Variants in TSPAN9 observed in about 807,000 individuals in gnomAD.
TSPAN9 encodes tetraspanin-9.
Under a neutral mutation model 31.0 loss-of-function variants are expected in TSPAN9, and 16 were observed. The ratio of observed to expected loss-of-function variants is 0.52; its 90% CI spans 0.35 to 0.78. The LOEUF (loss-of-function observed/expected upper bound fraction) is 0.78. Ranked by LOEUF, TSPAN9 falls within the 30% of genes least tolerant of loss-of-function variation. The probability of loss-of-function intolerance (pLI) is 0.01; values close to 1 mark genes in which losing one functional copy is unlikely to be tolerated. For synonymous variants in TSPAN9, 145 were observed against 121.6 expected, an observed-to-expected ratio of 1.19 and a Z score of -1.27; for missense variants, 272 against 312.5, an observed-to-expected ratio of 0.87 and a Z score of 0.98.
chr12:3,185,237 C>T (rs762312255), intron 2 of TSPAN9, among the ~76,000 whole-genome samples: 1 of 152,144 alleles, frequency 6.6e-6, no homozygotes, highest in Non-Finnish European at 1.5e-5. Flanking sequence ...GGGGACTCGG[C>T]GGATAAGCTA....
chr12:3,219,105 CGGCCGGGGGA>C (rs1262766220), intron 3 of TSPAN9, among the ~76,000 whole-genome samples: 3 of 152,214 alleles, frequency 2.0e-5, no homozygotes, highest in Non-Finnish European at 4.4e-5. Flanking sequence ...CACCCGTGGG[CGGCCGGGGGA>C]GGCCGGACGG....
intron 2 of TSPAN9, among the ~76,000 whole-genome samples, chr12:3,103,519 A>G (rs1264648783): frequency 2.0e-5 from 3 of 152,194 alleles, no homozygotes; most frequent in Non-Finnish European, 2.9e-5. Context: ...AAAGGTCCCT[A>G]AACTGGGACT....
chr12:3,181,635 G>T lies in TSPAN9; in HGVS notation c.-17-19542G>T, dbSNP rs114241270. On this transcript the variant is annotated intron_variant, in intron 2 of 8. Transcript: ENST00000011898. The stretch of plus-strand genomic sequence containing the variant: ...TCATCCTAGGACAGCCCAGAAGGGA[G>T]GTGGGCTTTATGCCCCATGAAGCTC... 7.4e-3 allele frequency among the ~76,000 whole-genome samples: 1,122 copies of T among 152,210 alleles called. 21 individuals carry two copies. The highest frequency in any genetic ancestry group is 0.026 in the African/African-American group (1,080 of 41,544).
At chr12:3,125,565 A>G (rs2098326977) in intron 2 of TSPAN9, among the ~76,000 whole-genome samples, 1 of 152,094 alleles carries the variant, frequency 6.6e-6, no homozygotes, top group African/African-American at 2.4e-5. Context: ...GAGACATTTC[A>G]TATTTTTCAC....
intron 3 of TSPAN9, 116 bp from the exon 4 acceptor site, chr12:3,278,305 T>G: frequency 7.0e-7 from 1 of 1,434,052 alleles, no homozygotes; most frequent in Non-Finnish European, 9.5e-7. Context: ...GTTCTCACCT[T>G]GTCGGTTCTC....
At chr12:3,122,202 T>C (rs7316367) in intron 2 of TSPAN9, among the ~76,000 whole-genome samples, 96,309 of 151,396 alleles carry the variant, frequency 0.64, 30,821 homozygotes, top group East Asian at 0.74. Flanking sequence ...GGTGTGGTGG[T>C]GGGTGCCTGT....
chr12:3,249,618 G>A (rs919600901), intron 3 of TSPAN9, among the ~76,000 whole-genome samples: 4 of 152,324 alleles, frequency 2.6e-5, no homozygotes, highest in Middle Eastern at 3.4e-3. Context: ...AGGTCGGAAT[G>A]GACTGTGGTT....
At chr12:3,229,231 C>T (rs961308470) in intron 3 of TSPAN9, among the ~76,000 whole-genome samples, 12 of 152,328 alleles carry the variant, frequency 7.9e-5, no homozygotes, top group Non-Finnish European at 1.6e-4. Context: ...CATTTCGGGC[C>T]CAGAGAGTTG....
chr12:3,188,892 G>A (rs923253371), intron 2 of TSPAN9, among the ~76,000 whole-genome samples: 4 of 152,132 alleles, frequency 2.6e-5, no homozygotes, highest in Non-Finnish European at 4.4e-5. Context: ...GAGTATGTGT[G>A]GTGAAGGTGG....
intron 3 of TSPAN9, among the ~76,000 whole-genome samples, chr12:3,238,759 A>G (rs2098395102): frequency 6.6e-6 from 1 of 152,214 alleles, no homozygotes; most frequent in Non-Finnish European, 1.5e-5. Context: ...AAGTCAGCAG[A>G]GGCCATCTGA....
In TSPAN9 at chr12:3,200,254, C is replaced by G. The variant is rs1030999767; in HGVS notation, c.-17-923C>G. On this transcript the variant is annotated intron_variant, in intron 2 of 8. Coordinates refer to ENST00000011898, the MANE Select transcript of TSPAN9 (RefSeq NM_006675.5). Reference sequence around the variant, plus strand: ...CTCCCCAGCGGGGCCGGGAAGGCCTCGCGCCCATTGGTCGAATGCAAAGCA... The same window carrying G: ...CTCCCCAGCGGGGCCGGGAAGGCCTGGCGCCCATTGGTCGAATGCAAAGCA... The G allele has an allele frequency of 1.2e-4, 18 of 152,186 alleles. 1 individual carries two copies. The highest frequency in any genetic ancestry group is 3.6e-4 in the African/African-American group (15 of 41,442). 9.4% of individuals were successfully genotyped at this position (152,186 alleles called of 1,614,324 possible).
chr12:3,235,040 G>A (rs149571424), intron 3 of TSPAN9, among the ~76,000 whole-genome samples: 86 of 149,156 alleles, frequency 5.8e-4, no homozygotes, highest in African/African-American at 1.6e-3. Flanking sequence ...GGTGGTGGGC[G>A]CCTGTAGTCC....
chr12:3,171,071 G>C (rs1044366348), intron 2 of TSPAN9, among the ~76,000 whole-genome samples: 1 of 152,044 alleles, frequency 6.6e-6, no homozygotes, highest in Admixed American at 6.6e-5. Flanking sequence ...CCTCGTGCTT[G>C]GATTATGGGA....
At chr12:3,180,640 G>C (rs1003891030) in intron 2 of TSPAN9, among the ~76,000 whole-genome samples, 1 of 152,140 alleles carries the variant, frequency 6.6e-6, no homozygotes, top group Non-Finnish European at 1.5e-5. Flanking sequence ...TTAAATATCT[G>C]TTATAACTCA....
chr12:3,260,575 C>T (rs974360171), intron 3 of TSPAN9, among the ~76,000 whole-genome samples: 3 of 152,230 alleles, frequency 2.0e-5, no homozygotes, highest in Non-Finnish European at 4.4e-5. Context: ...CGGGATCCTA[C>T]TCTACGCGAG....
chr12:3,110,571 C>A, intron 2 of TSPAN9, among the ~76,000 whole-genome samples: 1 of 152,058 alleles, frequency 6.6e-6, no homozygotes, highest in East Asian at 1.9e-4. Flanking sequence ...GGGAAAGGAA[C>A]AAAAGTCCAT....
chr12:3,128,556 T>G (rs1413505551), intron 2 of TSPAN9, among the ~76,000 whole-genome samples: 1 of 152,136 alleles, frequency 6.6e-6, no homozygotes, highest in Non-Finnish European at 1.5e-5. Context: ...AGACCCTGTC[T>G]CAACCCCTGC....
intron 3 of TSPAN9, among the ~76,000 whole-genome samples, chr12:3,205,729 C>CG (rs202008528): frequency 0.032 from 4,817 of 151,776 alleles, 107 homozygotes; most frequent in East Asian, 0.095. Flanking sequence ...CCCCCCCCCC[C>CG]CAGAGTGCTC....
rs1048987887 is a variant in TSPAN9 at position 3,285,812 on chromosome 12, A to G, written c.*2696A>G. The G allele has an allele frequency of 1.3e-5, 2 of 152,254 alleles. No homozygotes were observed. The highest frequency in any genetic ancestry group is 4.8e-5 in the African/African-American group (2 of 41,466). The allele number at this position is 152,254 out of a possible 1,614,324, so 9.4% of individuals were successfully genotyped here. A position where few individuals can be genotyped will look rare whatever the true frequency, so the allele number is the denominator to read the frequency against. ...GGTTTGTAGAGGACTGCAGGGGGGC[A>G]TCCGCTGCAGACTCAGCCTTTCTCT... is the stretch of plus-strand genomic sequence containing the variant. On this transcript the variant is annotated 3_prime_UTR_variant, in exon 9 of 9. Transcript: ENST00000011898.
Sources: allele counts gnomAD v4.1 joint callset (sites outside exome capture counted in the v4.1 genomes callset), GRCh38; gene constraint gnomAD v4.1.1; transcripts MANE v1.5; gene names NCBI Gene and HGNC (gene_info 2026-07-23, HGNC 2026-07-21).